LRRIQ3: variants seen among roughly 807,000 people sequenced by gnomAD.
LRRIQ3 encodes the protein leucine-rich repeat and IQ domain-containing protein 3.
Under a neutral mutation model 59.3 loss-of-function variants are expected in LRRIQ3, and 75 were observed. That is an observed-to-expected ratio of 1.26 (90% CI 1.05 to 1.53). The LOEUF (loss-of-function observed/expected upper bound fraction) is 1.53, where lower values mean the gene tolerates loss of function less well. Ranked by LOEUF, LRRIQ3 falls within the 40% of genes most tolerant of loss-of-function variation. The pLI is 0.00. For missense variants in LRRIQ3, 831 were observed against 710.0 expected (o/e 1.17, Z -1.94); for synonymous variants, 250 against 231.3 (o/e 1.08, Z -0.73).
intron 6 of LRRIQ3, among the ~76,000 whole-genome samples, chr1:74,066,835 G>A (rs1478959408): frequency 1.3e-5 from 2 of 152,056 alleles, no homozygotes; most frequent in Non-Finnish European, 2.9e-5. Flanking sequence ...AACTGGATGG[G>A]GCATTCTTCG....
intron 4 of LRRIQ3, chr1:74,144,430 G>A: frequency 3.1e-6 from 1 of 327,406 alleles, no homozygotes; most frequent in East Asian, 1.1e-4. Context: ...TATATTTCAA[G>A]GAAACTAGAT....
At chr1:74,100,584 T>G (rs549796897) in intron 5 of LRRIQ3, among the ~76,000 whole-genome samples, 1 of 151,996 alleles carries the variant, frequency 6.6e-6, no homozygotes. Context: ...AACCAAAAAA[T>G]AGCCTGCATT....
chr1:74,071,028 T>TAC (rs1185381451), intron 6 of LRRIQ3, among the ~76,000 whole-genome samples: 7 of 150,026 alleles, frequency 4.7e-5, no homozygotes, highest in Non-Finnish European at 8.9e-5. Context: ...TACATATATA[T>TAC]ATATACACAC....
At chr1:74,043,611 T>G (rs1352425181) in intron 6 of LRRIQ3, among the ~76,000 whole-genome samples, 1 of 152,114 alleles carries the variant, frequency 6.6e-6, no homozygotes, top group Middle Eastern at 3.2e-3. Flanking sequence ...AGTCAGAGTC[T>G]CTCATTAGTT....
Position 74,041,572 on chromosome 1 carries a change from A to G in LRRIQ3, c.1359T>C (p.Val453=), listed in dbSNP as rs768621043. The G allele has an allele frequency of 6.2e-7, 1 of 1,613,714 alleles. No homozygotes were observed. Among genetic ancestry groups the G allele is most frequent in the Non-Finnish European group, 8.5e-7 (1 of 1,179,876 alleles). Residue 453 remains valine (V), a synonymous_variant, in exon 7 of 8, where the codon GTT becomes GTC. Coordinates refer to ENST00000354431, the MANE Select transcript of LRRIQ3 (RefSeq NM_001105659.2). The part of the protein sequence containing the change: ...VAMAQVARER[V]RVAVNEHLNQ... ...TCAAATGTTCATTAACAGCTACTCT[A>G]ACTCTTTCTCGAGCAACTTGTGCCA...
chr1:74,096,668 T>C (rs1294034116), intron 5 of LRRIQ3, among the ~76,000 whole-genome samples: 1 of 152,100 alleles, frequency 6.6e-6, no homozygotes, highest in African/African-American at 2.4e-5. Flanking sequence ...TTTTTCCCCA[T>C]CTTTGTGGTT....
At chr1:74,080,378 TG>T (rs1355590490) in intron 5 of LRRIQ3, among the ~76,000 whole-genome samples, 1 of 151,708 alleles carries the variant, frequency 6.6e-6, no homozygotes, top group Non-Finnish European at 1.5e-5. Flanking sequence ...ATTGACAAAT[TG>T]AATAAGTACC....
chr1:74,137,008 A>AT (rs1489126514), intron 4 of LRRIQ3, among the ~76,000 whole-genome samples: 1 of 151,890 alleles, frequency 6.6e-6, no homozygotes, highest in Non-Finnish European at 1.5e-5. Flanking sequence ...CAAGTATAAT[A>AT]TTTTTGTCTA....
chr1:74,101,707 C>T (rs1646535388), intron 5 of LRRIQ3, among the ~76,000 whole-genome samples: 1 of 152,126 alleles, frequency 6.6e-6, no homozygotes, highest in African/African-American at 2.4e-5. Flanking sequence ...GGCACATATA[C>T]ACCATGGAAT....
intron 5 of LRRIQ3, among the ~76,000 whole-genome samples, chr1:74,095,441 C>T (rs1218568333): frequency 2.0e-5 from 3 of 152,102 alleles, no homozygotes; most frequent in African/African-American, 4.8e-5. Context: ...TCTCTACATA[C>T]ATATCCATAA....
intron 4 of LRRIQ3, among the ~76,000 whole-genome samples, chr1:74,124,747 T>A (rs1646911075): frequency 6.6e-6 from 1 of 152,012 alleles, no homozygotes; most frequent in South Asian, 2.1e-4. Context: ...TCCTATGTTG[T>A]TTTGGTTACT....
chr1:74,100,655 C>T (rs1294478684), intron 5 of LRRIQ3, among the ~76,000 whole-genome samples: 1 of 152,198 alleles, frequency 6.6e-6, no homozygotes, highest in East Asian at 1.9e-4. Context: ...TGACTTCAAA[C>T]TATACTACAA....
At chr1:74,143,100 A>G (rs966975016) in intron 4 of LRRIQ3, among the ~76,000 whole-genome samples, 12 of 152,030 alleles carry the variant, frequency 7.9e-5, no homozygotes, top group African/African-American at 2.9e-4. Context: ...AATATTTTGC[A>G]AAGTATTAGT....
chr1:74,081,954 G>T (rs1646277630), intron 5 of LRRIQ3: 1 of 151,322 alleles, frequency 6.6e-6, no homozygotes, highest in Admixed American at 6.6e-5. Context: ...GACTGAGGTT[G>T]TGGTTTACTT....
chr1:74,056,844 G>A (rs1290478941), intron 6 of LRRIQ3, among the ~76,000 whole-genome samples: 7 of 152,050 alleles, frequency 4.6e-5, no homozygotes, highest in Non-Finnish European at 7.4e-5. Context: ...ACATGTTGAG[G>A]GAGGGACCTG....
At chr1:74,145,650 T>A (rs1647522185) in intron 4 of LRRIQ3, among the ~76,000 whole-genome samples, 1 of 152,070 alleles carries the variant, frequency 6.6e-6, no homozygotes, top group South Asian at 2.1e-4. Flanking sequence ...AGGCCTACAA[T>A]CCAAATTTGA....
intron 3 of LRRIQ3, among the ~76,000 whole-genome samples, chr1:74,168,937 A>C (rs1176924055): frequency 6.6e-6 from 1 of 151,584 alleles, no homozygotes; most frequent in Non-Finnish European, 1.5e-5. Flanking sequence ...AGAACACTTA[A>C]CATGAGATCT....
At chr1:74,129,133 C>G (rs954490385) in intron 4 of LRRIQ3, among the ~76,000 whole-genome samples, 7 of 152,040 alleles carry the variant, frequency 4.6e-5, no homozygotes, top group Non-Finnish European at 1.0e-4. Context: ...TCACTCGAGC[C>G]TGCAGAGCTT....
At chr1:74,045,716 C>CAT (rs1570020357) in intron 6 of LRRIQ3, among the ~76,000 whole-genome samples, 1 of 152,082 alleles carries the variant, frequency 6.6e-6, no homozygotes, top group East Asian at 1.9e-4. Flanking sequence ...GAAAACCCAT[C>CAT]ATCTCAGCCC....
Sources: gnomAD v4.1 joint callset for allele counts (sites outside exome capture counted in the v4.1 genomes callset) on GRCh38, gnomAD v4.1.1 for gene constraint, MANE v1.5 for transcripts, NCBI Gene and HGNC (gene_info 2026-07-23, HGNC 2026-07-21) for gene names.